Variants in GALNT14 observed in about 807,000 individuals in gnomAD.
GALNT14 encodes the protein UDP-GalNAc:polypeptide N-acetylgalactosaminyltransferase 14.
GALNT14 carries 60 observed loss-of-function variants against 77.5 expected under a neutral mutation model. The observed-to-expected ratio is 0.77, with a 90% CI of 0.63 to 0.96. GALNT14 has a LOEUF of 0.96. GALNT14 is among the 40% of genes least tolerant of loss of function. The pLI is 0.00. For missense variants in GALNT14, 710 were observed against 731.0 expected (o/e 0.97, Z 0.33); for synonymous variants, 280 against 281.7 (o/e 0.99, Z 0.06).
intron 1 of GALNT14, among the ~76,000 whole-genome samples, chr2:31,114,297 CAA>C (rs1255052396): frequency 1.3e-5 from 2 of 148,420 alleles, no homozygotes; most frequent in African/African-American, 4.9e-5. Context: ...AAGCCACCCA[CAA>C]AGAGGACCAG....
At chr2:30,924,372 A>G in intron 12 of GALNT14, 109 bp from the exon 13 acceptor site, 2 of 1,191,130 alleles carry the variant, frequency 1.7e-6, no homozygotes, top group Non-Finnish European at 2.5e-6. Context: ...CTGGGCTGTT[A>G]GAAAATATCT....
At position 30,910,703 on chromosome 2, in the gene GALNT14, T is replaced by C; in HGVS notation, c.*198A>G. 1 of 546,980 alleles carries C rather than the reference T, an allele frequency of 1.8e-6. No individual in the cohort carries two copies. The highest frequency in any genetic ancestry group is 2.5e-5 in the South Asian group (1 of 39,822). The allele number at this position is 546,980 out of a possible 1,614,324, so 33.9% of individuals were successfully genotyped here. ...TAACGGCCTTGAGAACATGTGGGATTTGTCTTTGAGCCCCATTGGCTTGTG... is the reference window on the plus strand; with the variant it reads ...TAACGGCCTTGAGAACATGTGGGATCTGTCTTTGAGCCCCATTGGCTTGTG... On this transcript the variant is annotated 3_prime_UTR_variant, in exon 15 of 15. Coordinates refer to ENST00000349752, the MANE Select transcript of GALNT14 (RefSeq NM_024572.4).
At chr2:31,043,384 T>C (rs1313396128) in intron 1 of GALNT14, among the ~76,000 whole-genome samples, 1 of 152,198 alleles carries the variant, frequency 6.6e-6, no homozygotes, top group Non-Finnish European at 1.5e-5. Flanking sequence ...TAAAAATGAG[T>C]GGGGTTTTAA....
intron 1 of GALNT14, among the ~76,000 whole-genome samples, chr2:31,095,634 T>A (rs539680501): frequency 1.3e-5 from 2 of 152,006 alleles, no homozygotes; most frequent in South Asian, 2.1e-4. Context: ...GAGAAGAAAA[T>A]TTATTTCCAA....
intron 1 of GALNT14, among the ~76,000 whole-genome samples, chr2:31,084,826 A>G (rs112384823): frequency 7.9e-5 from 12 of 152,260 alleles, no homozygotes; most frequent in African/African-American, 2.4e-4. Context: ...GGAGTTCGAG[A>G]CCAGCCTAGC....
chr2:30,886,934 C>T, the GALNT14 span, among the ~76,000 whole-genome samples: 2 of 152,202 alleles, frequency 1.3e-5, no homozygotes, highest in Non-Finnish European at 2.9e-5. Flanking sequence ...TGGCAACTGC[C>T]AGTTTGCCTT....
the GALNT14 span, among the ~76,000 whole-genome samples, chr2:30,893,380 G>A: frequency 5.6e-3 from 845 of 152,068 alleles, 7 homozygotes; most frequent in African/African-American, 0.018. Context: ...CTAGGGAAGC[G>A]AAAAAAATAC....
intron 1 of GALNT14, among the ~76,000 whole-genome samples, chr2:31,006,440 C>T (rs1670679359): frequency 6.6e-6 from 1 of 152,094 alleles, no homozygotes; most frequent in Non-Finnish European, 1.5e-5. Context: ...AAGGCAGGTG[C>T]TTCTATTAAT....
intron 1 of GALNT14, among the ~76,000 whole-genome samples, chr2:31,026,486 T>C (rs575586163): frequency 2.6e-5 from 4 of 152,334 alleles, no homozygotes; most frequent in African/African-American, 9.6e-5. Context: ...TTTAAGTGGC[T>C]GCCCTGCCCT....
Position 31,098,607 on chromosome 2 carries a change from G to A in GALNT14, c.129+39351C>T, listed in dbSNP as rs79613334. Among the ~76,000 whole-genome samples the A allele has an allele frequency of 5.7e-3, 872 of 152,192 alleles. 2 individuals are homozygous for A. Among genetic ancestry groups the A allele is most frequent in the Non-Finnish European group, 9.4e-3 (642 of 67,972 alleles). On this transcript the variant is annotated intron_variant, in intron 1 of 14. Coordinates refer to ENST00000349752, the MANE Select transcript of GALNT14 (RefSeq NM_024572.4). The stretch of plus-strand genomic sequence containing the variant: ...TCCAGAATTTCTTATACAAATAGAT[G>A]TAAGTATAAATGCGGTTGACCCTTG...
At chr2:31,045,375 A>G (rs1308517431) in intron 1 of GALNT14, among the ~76,000 whole-genome samples, 1 of 152,190 alleles carries the variant, frequency 6.6e-6, no homozygotes, top group Admixed American at 6.5e-5. Flanking sequence ...TTAATCAAGG[A>G]TCAAAGTCTT....
chr2:30,916,416 C>T (rs1180671094), intron 13 of GALNT14, among the ~76,000 whole-genome samples: 1 of 152,212 alleles, frequency 6.6e-6, no homozygotes, highest in African/African-American at 2.4e-5. Flanking sequence ...GGAACCGTCC[C>T]TCCTATCCCA....
intron 3 of GALNT14, among the ~76,000 whole-genome samples, chr2:30,963,780 G>A (rs1028562597): frequency 1.3e-5 from 2 of 152,184 alleles, no homozygotes; most frequent in African/African-American, 2.4e-5. Flanking sequence ...TCCAAGTGTG[G>A]TACCCTTTTA....
chr2:30,924,774 T>G lies in GALNT14; in HGVS notation c.1201A>C (p.Lys401Gln), dbSNP rs765036337. Residue 401 changes from lysine (K) to glutamine (Q), a missense_variant, in exon 12 of 15, where the codon AAG becomes CAG. Coordinates refer to ENST00000349752, the MANE Select transcript of GALNT14 (RefSeq NM_024572.4). ...LRKNLRCQSF[K>Q]WYLENIYPEL... Reference sequence around the variant, plus strand: ...GGGTAGATATTCTCCAGGTACCACTTGAAGCTCTGGCAGCGCAGATTCTTC... The same window carrying G: ...GGGTAGATATTCTCCAGGTACCACTGGAAGCTCTGGCAGCGCAGATTCTTC... 1.2e-6 allele frequency: 2 copies of G among 1,614,108 alleles called. No individual in the cohort carries two copies. Among genetic ancestry groups the G allele is most frequent in the South Asian group, 2.2e-5 (2 of 91,076 alleles).
intron 2 of GALNT14, among the ~76,000 whole-genome samples, chr2:30,978,067 C>G (rs1668745977): frequency 6.6e-6 from 1 of 152,226 alleles, no homozygotes; most frequent in Non-Finnish European, 1.5e-5. Flanking sequence ...ACCAGCATCT[C>G]AAGGCCTCCA....
At chr2:31,107,249 C>T (rs1316510074) in intron 1 of GALNT14, among the ~76,000 whole-genome samples, 5 of 152,130 alleles carry the variant, frequency 3.3e-5, no homozygotes, top group East Asian at 1.9e-4. Context: ...CACCCTAGTC[C>T]TTATTTGCGT....
chr2:31,020,045 T>A (rs183181973), intron 1 of GALNT14, among the ~76,000 whole-genome samples: 5 of 152,132 alleles, frequency 3.3e-5, no homozygotes, highest in Non-Finnish European at 5.9e-5. Context: ...ACTTTCCACA[T>A]GGCCAGCCCC....
chr2:31,061,022 T>C (rs1462122462), intron 1 of GALNT14, among the ~76,000 whole-genome samples: 2 of 152,200 alleles, frequency 1.3e-5, no homozygotes, highest in Non-Finnish European at 2.9e-5. Context: ...TCTTTCCTTT[T>C]TCATTGTTGG....
intron 1 of GALNT14, among the ~76,000 whole-genome samples, chr2:31,134,950 T>C (rs1367425495): frequency 6.6e-6 from 1 of 152,234 alleles, no homozygotes; most frequent in African/African-American, 2.4e-5. Context: ...GTCTCCCTTG[T>C]GCAGTTGTGA....
Sources: gnomAD v4.1 joint callset for allele counts (sites outside exome capture counted in the v4.1 genomes callset) on GRCh38, gnomAD v4.1.1 for gene constraint, MANE v1.5 for transcripts, NCBI Gene and HGNC (gene_info 2026-07-23, HGNC 2026-07-21) for gene names.